RNF150: variants seen among roughly 807,000 people sequenced by gnomAD.
RNF150 encodes ring finger protein 150.
A neutral mutation model predicts 39.3 loss-of-function variants in RNF150; 24 were observed. The observed-to-expected ratio is 0.61, with a 90% CI of 0.44 to 0.86. The LOEUF (loss-of-function observed/expected upper bound fraction) is 0.86, where lower values mean the gene tolerates loss of function less well. Ranked by LOEUF, RNF150 falls within the 40% of genes least tolerant of loss-of-function variation. The pLI is 0.00. For synonymous variants in RNF150, 255 were observed against 227.3 expected (o/e 1.12, Z -1.10); for missense variants, 502 against 587.8 (o/e 0.85, Z 1.51).
chr4:140,869,007 A>C (rs563107212), intron 6 of RNF150, among the ~76,000 whole-genome samples: 14 of 152,344 alleles, frequency 9.2e-5, no homozygotes, highest in African/African-American at 3.4e-4. Flanking sequence ...GTAGGTAGGT[A>C]CATGATACAT....
chr4:141,139,219 G>A (rs894203061), intron 1 of RNF150, among the ~76,000 whole-genome samples: 3 of 152,098 alleles, frequency 2.0e-5, no homozygotes, highest in Non-Finnish European at 2.9e-5. Context: ...ACCCTGTCTC[G>A]AAAAAATAAA....
chr4:141,173,702 TTAAA>T (rs1159475005), intron 1 of RNF150, among the ~76,000 whole-genome samples: 1 of 152,172 alleles, frequency 6.6e-6, no homozygotes, highest in Non-Finnish European at 1.5e-5. Flanking sequence ...CTACAGTTGG[TTAAA>T]TAGTGTTTTT....
chr4:141,209,643 G>A (rs975252012), intron 1 of RNF150, among the ~76,000 whole-genome samples: 5 of 151,984 alleles, frequency 3.3e-5, no homozygotes, highest in Non-Finnish European at 5.9e-5. Flanking sequence ...TGATTGGGTT[G>A]CTTGTCTTTT....
At chr4:141,154,822 A>G (rs980530656) in intron 1 of RNF150, among the ~76,000 whole-genome samples, 1 of 152,184 alleles carries the variant, frequency 6.6e-6, no homozygotes, top group Non-Finnish European at 1.5e-5. Flanking sequence ...ATTCAACAAC[A>G]ACCTATGTTT....
chr4:141,151,042 C>A (rs139807060), intron 1 of RNF150, among the ~76,000 whole-genome samples: 1 of 152,006 alleles, frequency 6.6e-6, no homozygotes, highest in East Asian at 1.9e-4. Flanking sequence ...AGTGATTTAG[C>A]GCTTCTCCTG....
rs553289172 is a variant in RNF150, at chr4:141,211,475, A to C, written c.-6+1319T>G. ...CATGATGAACACATCTTACATTCCCAGTTAGAAAATGATCTGATTCAATTT... is the reference window on the plus strand; with the variant it reads ...CATGATGAACACATCTTACATTCCCCGTTAGAAAATGATCTGATTCAATTT... On this transcript the variant is annotated intron_variant, in intron 1 of 7. Coordinates refer to the RNF150 transcript ENST00000420921. Among the ~76,000 whole-genome samples, 89 of 152,282 alleles carry C rather than the reference A, an allele frequency of 5.8e-4. 2 individuals are homozygous for C. The South Asian group carries it at 0.018, about 31-fold the overall frequency.
Position 140,909,261 on chromosome 4 carries a change from T to G in RNF150, c.1198+1883A>C, listed in dbSNP as rs1730503773. ...TTCTCTTCCATTTAAAGTACTAGTA[T>G]TCTAGATCTATGCACTCCAATATGG... On this transcript the variant is annotated intron_variant, in intron 6 of 6. Coordinates refer to ENST00000515673, the MANE Select transcript of RNF150 (RefSeq NM_020724.2). Among the ~76,000 whole-genome samples, 3 of 152,186 alleles carry G rather than the reference T, an allele frequency of 2.0e-5. No individual in the cohort carries two copies. In the South Asian group the frequency reaches 6.2e-4, roughly 32 times the overall value.
intron 5 of RNF150, among the ~76,000 whole-genome samples, chr4:140,921,299 C>T (rs1186843904): frequency 6.6e-6 from 1 of 151,204 alleles, no homozygotes; most frequent in African/African-American, 2.4e-5. Flanking sequence ...ACCACCGATC[C>T]CACAGAAATA....
chr4:141,024,374 G>A (rs906146152), intron 1 of RNF150, among the ~76,000 whole-genome samples: 1 of 152,094 alleles, frequency 6.6e-6, no homozygotes, highest in African/African-American at 2.4e-5. Flanking sequence ...ACTGAGGCTT[G>A]AGTTCCAATT....
At chr4:140,932,075 G>A (rs1381601319) in intron 4 of RNF150, among the ~76,000 whole-genome samples, 1 of 152,092 alleles carries the variant, frequency 6.6e-6, no homozygotes, top group East Asian at 1.9e-4. Context: ...GTTTTCCTTT[G>A]GCACCAGTGC....
chr4:141,082,991 A>C (rs1212366372), intron 1 of RNF150, among the ~76,000 whole-genome samples: 2 of 152,216 alleles, frequency 1.3e-5, no homozygotes, highest in Admixed American at 1.3e-4. Flanking sequence ...ATGTATAGTA[A>C]ATATAATAAT....
intron 6 of RNF150, among the ~76,000 whole-genome samples, chr4:140,875,163 GT>G (rs58742685): frequency 0.13 from 15,385 of 122,378 alleles, 627 homozygotes; most frequent in East Asian, 0.34. Context: ...CAATCATTAC[GT>G]TTTTTTTTTT....
chr4:141,166,762 C>A (rs1727612673), intron 1 of RNF150, among the ~76,000 whole-genome samples: 1 of 152,216 alleles, frequency 6.6e-6, no homozygotes, highest in Admixed American at 6.5e-5. Context: ...GCTAAAAACA[C>A]TCAATAAACT....
intron 1 of RNF150, among the ~76,000 whole-genome samples, chr4:141,104,807 G>A (rs192036091): frequency 6.6e-6 from 1 of 152,316 alleles, no homozygotes; most frequent in African/African-American, 2.4e-5. Flanking sequence ...ACATTTGTGA[G>A]TTTGGAAAGG....
chr4:141,086,690 C>A (rs1254744909), intron 1 of RNF150, among the ~76,000 whole-genome samples: 1 of 151,374 alleles, frequency 6.6e-6, no homozygotes, highest in African/African-American at 2.4e-5. Context: ...CACTAAAACA[C>A]AGAATTCTTC....
chr4:141,039,092 T>C (rs10006815), intron 1 of RNF150, among the ~76,000 whole-genome samples: 5 of 152,024 alleles, frequency 3.3e-5, no homozygotes, highest in Non-Finnish European at 7.4e-5. Flanking sequence ...GGAAATAAAG[T>C]GTGGGAGTAA....
chr4:141,010,708 T>C (rs912225461), intron 1 of RNF150, among the ~76,000 whole-genome samples: 2 of 151,786 alleles, frequency 1.3e-5, no homozygotes, highest in African/African-American at 4.8e-5. Flanking sequence ...CAAAGTTCTA[T>C]CCACACCCGC....
In RNF150 at chr4:141,132,508, C is replaced by G; in HGVS notation, c.301G>C (p.Ala101Pro). Residue 101 changes from alanine (A) to proline (P), a missense_variant, in exon 1 of 7, where the codon GCC becomes CCC. By Grantham distance (27) the Ala-to-Pro change is conservative. Coordinates refer to ENST00000515673, the MANE Select transcript of RNF150 (RefSeq NM_020724.2). This position sits in a 1 kb window ranked among gnomAD's most constrained non-coding sequence, Gnocchi z 4.9. ...GCGAACTTGGTGTTGGGGTCGCAGG[C>G]CAGGCGGTCGTGGGCCGAGCTGGCC... ...VMASSAHDRL[A>P]CDPNTKFAAP... The G allele has an allele frequency of 1.2e-6, 2 of 1,605,064 alleles. No homozygotes were observed. Among genetic ancestry groups the G allele is most frequent in the Non-Finnish European group, 1.7e-6 (2 of 1,176,750 alleles).
chr4:140,911,034 A>G (rs1201283313), intron 6 of RNF150, 110 bp downstream of exon 6: 1 of 842,398 alleles, frequency 1.2e-6, no homozygotes, highest in East Asian at 2.5e-5. Context: ...GAACCTAGCA[A>G]TGATGTACTC....
Sources: gnomAD v4.1 joint callset for allele counts (sites outside exome capture counted in the v4.1 genomes callset) on GRCh38, gnomAD v4.1.1 for gene constraint, Gnocchi (gnomAD v3.1) non-coding constraint, MANE v1.5 for transcripts, NCBI Gene and HGNC (gene_info 2026-07-23, HGNC 2026-07-21) for gene names.